The following F11 variants were observed in gnomAD, a reference collection of about 807,000 sequenced individuals.
The protein encoded by F11 is coagulation factor XI.
In F11, 78 loss-of-function variants were observed where a neutral mutation model predicts 76.5. The observed-to-expected ratio is 1.02, with a 90% confidence interval of 0.85 to 1.23. The LOEUF (loss-of-function observed/expected upper bound fraction) is 1.23. F11 is among the 50% of genes most tolerant of loss of function. F11 has a pLI of 0.00. For missense variants in F11, 742 were observed against 771.4 expected (o/e 0.96, Z 0.45); for synonymous variants, 278 against 276.3 (o/e 1.01, Z -0.06).
At chr4:186,282,219 A>G (rs1328417182) in intron 10 of F11, 2 of 1,064,638 alleles carry the variant, frequency 1.9e-6, no homozygotes, top group South Asian at 2.8e-5. Context: ...CTTCTTCATT[A>G]TGGTTTTCTC....
rs775977740 is a variant in F11 at position 186,271,636 on chromosome 4, C to T, written c.83C>T (p.Thr28Ile). 1 of 1,614,134 alleles carries T rather than the reference C, an allele frequency of 6.2e-7. No individual in the cohort carries two copies. Among genetic ancestry groups the T allele is most frequent in the Non-Finnish European group, 8.5e-7 (1 of 1,180,016 alleles). ...TGTGTGACTCAGTTGTTGAAGGACA[C>T]CTGCTTTGAAGGAGGGGACATTACT... ...GECVTQLLKD[T>I]CFEGGDITTV... Residue 28 changes from threonine to isoleucine, a missense_variant, in exon 3 of 15, where the codon ACC (threonine) becomes ATC (isoleucine). Thr to Ile is a moderately conservative substitution (Grantham distance 89). Coordinates refer to ENST00000403665, the MANE Select transcript of F11 (RefSeq NM_000128.4).
At chr4:186,286,772 T>TG in intron 13 of F11, 1 of 914,110 alleles carries the variant, frequency 1.1e-6, no homozygotes, top group South Asian at 5.0e-5. Context: ...CACTTTTCAG[T>TG]AAATGTTCTA....
chr4:186,283,151 C>T, intron 10 of F11: 1 of 682,502 alleles, frequency 1.5e-6, no homozygotes, highest in Non-Finnish European at 1.8e-6. Context: ...TCAGAATCTG[C>T]ATTTTGAAAG....
chr4:186,289,190 G>A lies in F11; in HGVS notation c.*576G>A, dbSNP rs886059301. On this transcript the variant is annotated 3_prime_UTR_variant, in exon 15 of 15. Transcript: ENST00000403665. ...AAAAAAAATCAGTTCGAGTAGACAC[G>A]AGCTAAGAGTGAATGTGAAGATAAC... is the stretch of plus-strand genomic sequence containing the variant. Among the ~76,000 whole-genome samples the A allele has an allele frequency of 4.6e-5, 7 of 152,108 alleles. No homozygotes were observed. The highest frequency in any genetic ancestry group is 7.4e-5 in the Non-Finnish European group (5 of 68,018).
intron 10 of F11, chr4:186,281,941 G>C: frequency 7.8e-7 from 1 of 1,283,536 alleles, no homozygotes; most frequent in African/African-American, 1.5e-5. Context: ...CTAGAGCTTA[G>C]AGGCGCTCCG....
intron 11 of F11, among the ~76,000 whole-genome samples, chr4:186,285,214 G>A (rs541596083): frequency 1.3e-5 from 2 of 152,238 alleles, no homozygotes; most frequent in South Asian, 4.2e-4. Flanking sequence ...GAACACATGT[G>A]AGGCCAAGAG....
rs150323681 is a variant in F11 at position 186,274,175 on chromosome 4, G to T, written c.385G>T (p.Val129Phe). 2.5e-6 allele frequency: 4 copies of T among 1,614,054 alleles called. No individual in the cohort carries two copies. In the African/African-American group the frequency reaches 5.3e-5, roughly 22 times the overall value. ...DMKGINYNSS[V>F]AKSAQECQER... The stretch of plus-strand genomic sequence containing the variant: ...GAAGGGCATAAACTATAACAGCTCA[G>T]TTGCCAAGAGTGCTCAAGAATGCCA... Residue 129 changes from valine (V) to phenylalanine (F), a missense_variant, in exon 5 of 15, where the codon GTT becomes TTT. Physicochemically the swap from Val to Phe is conservative, Grantham distance 50. Coordinates refer to ENST00000403665, the MANE Select transcript of F11 (RefSeq NM_000128.4).
chr4:186,269,473 C>T (rs185924576), intron 2 of F11, among the ~76,000 whole-genome samples: 65 of 152,296 alleles, frequency 4.3e-4, no homozygotes, highest in East Asian at 1.5e-3. Flanking sequence ...GAGGACATTA[C>T]GCTAAGTGAA....
intron 2 of F11, among the ~76,000 whole-genome samples, chr4:186,270,701 AGAGT>A (rs1354297623): frequency 5.9e-5 from 9 of 151,990 alleles, no homozygotes; most frequent in African/African-American, 1.9e-4. Flanking sequence ...CACATGAGAG[AGAGT>A]GAGAGAGAAA....
At chr4:186,268,428 A>T (rs1049254921) in intron 2 of F11, among the ~76,000 whole-genome samples, 1 of 152,316 alleles carries the variant, frequency 6.6e-6, no homozygotes, top group African/African-American at 2.4e-5. Flanking sequence ...TAGGTCCTTT[A>T]TACATGCACA....
At position 186,279,977 on chromosome 4, in the gene F11, A is replaced by G. The variant is rs534989168; in HGVS notation, c.756-35A>G. 8.8e-6 allele frequency: 13 copies of G among 1,479,912 alleles called. 1 individual carries two copies. The highest frequency in any genetic ancestry group is 1.7e-4 in the Middle Eastern group (1 of 5,802). The allele number at this position is 1,479,912 out of a possible 1,614,324, so 91.7% of individuals were successfully genotyped here. A position where few individuals can be genotyped will look rare whatever the true frequency, so the allele number is the denominator to read the frequency against. ...GTAAAAATGTTTTTATGTGTTTGAT[A>G]TGATATATTTCTACTTCCCTTTTGT... On this transcript the variant is annotated intron_variant, in intron 7 of 14. Coordinates refer to ENST00000403665, the MANE Select transcript of F11 (RefSeq NM_000128.4).
chr4:186,290,273 A>G (rs576566256), downstream of F11, among the ~76,000 whole-genome samples: 3 of 152,326 alleles, frequency 2.0e-5, no homozygotes, highest in East Asian at 5.8e-4. Context: ...AAAAAACCCA[A>G]AAGAGCAAAA....
intron 10 of F11, chr4:186,282,734 T>C (rs1049031294): frequency 5.1e-6 from 5 of 985,232 alleles, no homozygotes; most frequent in African/African-American, 1.7e-5. Flanking sequence ...CCAAAATGAA[T>C]GTTCACCCTT....
chr4:186,276,198 T>C, intron 6 of F11, 33 bp from the exon 7 acceptor site: 1 of 1,613,914 alleles, frequency 6.2e-7, no homozygotes, highest in Non-Finnish European at 8.5e-7. Flanking sequence ...AGCTGGTGAA[T>C]TGAGTCCCTG....
At chr4:186,286,562 C>G in intron 13 of F11, 52 bp downstream of exon 13, 2 of 1,606,322 alleles carry the variant, frequency 1.2e-6, no homozygotes, top group South Asian at 2.2e-5. Context: ...AGAGCGGAAC[C>G]TTTTCTGCCC....
At chr4:186,288,179 T>C (rs1356304539) in intron 14 of F11, among the ~76,000 whole-genome samples, 1 of 152,086 alleles carries the variant, frequency 6.6e-6, no homozygotes, top group Non-Finnish European at 1.5e-5. Flanking sequence ...CCCAAAGTGC[T>C]GGGATTACAG....
intron 9 of F11, 38 bp downstream of exon 9, chr4:186,280,423 C>T (rs905198402): frequency 6.2e-6 from 10 of 1,613,866 alleles, no homozygotes; most frequent in South Asian, 3.3e-5. Flanking sequence ...ACCCTTGTCC[C>T]GTCTGCCTGT....
rs200622588 is a variant in F11, at chr4:186,286,480, G to A, written c.1546G>A (p.Val516Met). ...DRNVIYTDCW[V>M]TGWGYRKLRD... ...AAATGTAATATACACTGATTGCTGG[G>A]TGACTGGATGGGGGTACAGAAAACT... Residue 516 changes from valine (V) to methionine (M), a missense_variant, in exon 13 of 15, where the codon GTG becomes ATG. By Grantham distance (21) the Val-to-Met change is conservative (BLOSUM62 1). Transcript: ENST00000403665. 9.9e-6 allele frequency: 16 copies of A among 1,613,952 alleles called. No homozygotes were observed. The East Asian group carries it at 3.6e-4, about 36-fold the overall frequency.
chr4:186,284,631 G>A (rs1741054339), intron 11 of F11, among the ~76,000 whole-genome samples: 1 of 151,936 alleles, frequency 6.6e-6, no homozygotes. Context: ...ATATGTGTGT[G>A]TGTGTGTGTG....
Sources: gnomAD v4.1 joint callset for allele counts (sites outside exome capture counted in the v4.1 genomes callset) on GRCh38, gnomAD v4.1.1 for gene constraint, MANE v1.5 for transcripts, NCBI Gene and HGNC (gene_info 2026-07-23, HGNC 2026-07-21) for gene names.